Variants in CAB39L observed in about 807,000 individuals in gnomAD.
The protein encoded by CAB39L is calcium-binding protein 39-like.
A neutral mutation model predicts 39.1 loss-of-function variants in CAB39L; 23 were observed. That is an observed-to-expected ratio of 0.59 (90% confidence interval 0.42 to 0.83). CAB39L has a LOEUF of 0.83. CAB39L is among the 40% of genes least tolerant of loss of function. The pLI is 0.00. For missense variants in CAB39L, 366 were observed against 391.9 expected (o/e 0.93, Z 0.56); for synonymous variants, 126 against 137.2 (o/e 0.92, Z 0.57).
chr13:49,400,862 G>A (rs1480665190), intron 3 of CAB39L, among the ~76,000 whole-genome samples: 5 of 152,076 alleles, frequency 3.3e-5, no homozygotes, highest in Admixed American at 6.6e-5. Context: ...GAAACTCTTT[G>A]TAAATAAAAA....
chr13:49,416,300 C>T lies in CAB39L; in HGVS notation c.-32+17018G>A, dbSNP rs142629400. 1.6e-3 allele frequency among the ~76,000 whole-genome samples: 244 copies of T among 152,304 alleles called. 1 individual carries two copies. Among genetic ancestry groups the T allele is most frequent in the Non-Finnish European group, 1.9e-3 (126 of 68,034 alleles). ...CCTTCTACAGAATGTGCTTTCAAACCTTGCCCCTGACCCACAACAAAAAAT... is the reference window on the plus strand; with the variant it reads ...CCTTCTACAGAATGTGCTTTCAAACTTTGCCCCTGACCCACAACAAAAAAT... On this transcript the variant is annotated intron_variant, in intron 3 of 10. Coordinates refer to ENST00000409308, the MANE Select transcript of CAB39L (RefSeq NM_001079670.3).
chr13:49,346,104 T>TATATATATATATATATATATC (rs1346461962), intron 7 of CAB39L, among the ~76,000 whole-genome samples: 2 of 44,950 alleles, frequency 4.4e-5, no homozygotes, highest in African/African-American at 8.9e-5. Context: ...ATGCTAGATA[T>TATATATATATATATATATATC]ATATATATAT....
chr13:49,311,274 C>T (rs1403151574), intron 10 of CAB39L, among the ~76,000 whole-genome samples: 1 of 152,270 alleles, frequency 6.6e-6, no homozygotes, highest in East Asian at 1.9e-4. Context: ...TATCGTAGGT[C>T]AGTGCATTTA....
chr13:49,431,092 G>A (rs1193916878), intron 3 of CAB39L, among the ~76,000 whole-genome samples: 1 of 152,200 alleles, frequency 6.6e-6, no homozygotes, highest in East Asian at 1.9e-4. Context: ...GTATTTACCT[G>A]TGAAACCATC....
In CAB39L at chr13:49,375,898, T is replaced by C. The variant is rs1162058925; in HGVS notation, c.276+1069A>G. Among the ~76,000 whole-genome samples, 4 of 151,272 alleles carry C rather than the reference T, an allele frequency of 2.6e-5. No homozygotes were observed. The South Asian group carries it at 8.5e-4, about 32-fold the overall frequency. ...AGGGAAAGAAAGAAAAAGACAGCTG[T>C]AACTGAAAGGATGAGCTGAAGTCTG... On this transcript the variant is annotated intron_variant, in intron 5 of 10. Coordinates refer to ENST00000409308, the MANE Select transcript of CAB39L (RefSeq NM_001079670.3).
chr13:49,398,858 C>T (rs1163975242), intron 3 of CAB39L, among the ~76,000 whole-genome samples: 1 of 151,962 alleles, frequency 6.6e-6, no homozygotes, highest in African/African-American at 2.4e-5. Flanking sequence ...AAGTTGACAC[C>T]TGACTTTAGA....
chr13:49,415,716 C>A (rs1019089288), intron 3 of CAB39L, among the ~76,000 whole-genome samples: 87 of 152,210 alleles, frequency 5.7e-4, no homozygotes, highest in African/African-American at 2.0e-3. Context: ...TTTAGTGACA[C>A]TAGAATGTGA....
chr13:49,410,692 T>G (rs1376471288), intron 3 of CAB39L, among the ~76,000 whole-genome samples: 1 of 152,248 alleles, frequency 6.6e-6, no homozygotes, highest in East Asian at 1.9e-4. Flanking sequence ...AGAGTTATAA[T>G]GCTTTTTAAT....
intron 3 of CAB39L, among the ~76,000 whole-genome samples, chr13:49,389,278 T>C (rs1956437147): frequency 6.6e-6 from 1 of 152,188 alleles, no homozygotes; most frequent in Non-Finnish European, 1.5e-5. Flanking sequence ...CCGTATTCAT[T>C]GCAACCTTAT....
intron 10 of CAB39L, among the ~76,000 whole-genome samples, chr13:49,327,586 G>A (rs1483122142): frequency 6.6e-6 from 1 of 151,836 alleles, no homozygotes; most frequent in Admixed American, 6.6e-5. Context: ...TTACGGGCAT[G>A]AGCCACCATG....
chr13:49,415,663 A>G (rs889367958), intron 3 of CAB39L, among the ~76,000 whole-genome samples: 2 of 152,108 alleles, frequency 1.3e-5, no homozygotes, highest in African/African-American at 4.8e-5. Context: ...TAAAGTTTTA[A>G]GGGCACAGGA....
intron 1 of CAB39L, among the ~76,000 whole-genome samples, chr13:49,440,089 G>T (rs1957485732): frequency 6.6e-6 from 1 of 151,854 alleles, no homozygotes; most frequent in Admixed American, 6.6e-5. Flanking sequence ...GTTTAATTAG[G>T]TCCTACTTGT....
At chr13:49,405,713 G>GAAAGAA (rs879862632) in intron 3 of CAB39L, among the ~76,000 whole-genome samples, 229 of 136,190 alleles carry the variant, frequency 1.7e-3, no homozygotes, top group African/African-American at 5.5e-3. Flanking sequence ...AAGAAAGAAA[G>GAAAGAA]AGAGAGAGGA....
chr13:49,429,189 A>T (rs1336465834), intron 3 of CAB39L, among the ~76,000 whole-genome samples: 2 of 152,180 alleles, frequency 1.3e-5, no homozygotes, highest in Admixed American at 6.5e-5. Context: ...TTCAACTCCC[A>T]GACTAGAGTG....
chr13:49,410,823 C>T (rs1956975575), intron 3 of CAB39L, among the ~76,000 whole-genome samples: 1 of 152,052 alleles, frequency 6.6e-6, no homozygotes, highest in Non-Finnish European at 1.5e-5. Flanking sequence ...CTATGGAATT[C>T]ATCCAGTAAT....
At chr13:49,355,935 A>T (rs2138487237) in intron 6 of CAB39L, among the ~76,000 whole-genome samples, 1 of 152,328 alleles carries the variant, frequency 6.6e-6, no homozygotes, top group East Asian at 1.9e-4. Context: ...ATTATACTTC[A>T]GAGTATTCTA....
intron 6 of CAB39L, among the ~76,000 whole-genome samples, chr13:49,354,128 G>A (rs547712293): frequency 4.0e-5 from 6 of 151,608 alleles, no homozygotes; most frequent in African/African-American, 1.5e-4. Context: ...CTTTCATTTC[G>A]TGAAGCTTAT....
intron 8 of CAB39L, among the ~76,000 whole-genome samples, chr13:49,342,490 T>C (rs1955034486): frequency 6.6e-6 from 1 of 152,338 alleles, no homozygotes; most frequent in South Asian, 2.1e-4. Context: ...TTAGAACTTC[T>C]TGGTTTAGGC....
chr13:49,322,217 T>C (rs1954369247), intron 10 of CAB39L, among the ~76,000 whole-genome samples: 1 of 152,206 alleles, frequency 6.6e-6, no homozygotes, highest in South Asian at 2.1e-4. Flanking sequence ...TTTGCCGTAT[T>C]CTAGACATTC....
Sources: gnomAD v4.1 joint callset for allele counts (sites outside exome capture counted in the v4.1 genomes callset) on GRCh38, gnomAD v4.1.1 for gene constraint, MANE v1.5 for transcripts, NCBI Gene and HGNC (gene_info 2026-07-23, HGNC 2026-07-21) for gene names.